The following LCE1C variants were observed in gnomAD, a reference collection of about 807,000 sequenced individuals.
LCE1C encodes late cornified envelope protein 1C.
LCE1C carries 1 observed loss-of-function variant against 0.7 expected under a neutral mutation model. The ratio of observed to expected loss-of-function variants is 1.44; its 90% CI spans 0.51 to 6.83. LCE1C has a LOEUF of 6.83. LCE1C is among the 30% of genes most tolerant of loss of function. LCE1C has a pLI of 0.14. For synonymous variants in LCE1C, 72 were observed against 57.9 expected (o/e 1.24, Z -1.10); for missense variants, 136 against 149.6 (o/e 0.91, Z 0.48).
At position 152,805,080 on chromosome 1, in the gene LCE1C, T is replaced by C. The variant is rs1207823041; in HGVS notation, c.*42A>G. The C allele has an allele frequency of 6.5e-7, 1 of 1,539,182 alleles. No individual in the cohort carries two copies. Among genetic ancestry groups the C allele is most frequent in the African/African-American group, 1.4e-5 (1 of 72,532 alleles). On this transcript the variant is annotated 3_prime_UTR_variant, in exon 2 of 2. Coordinates refer to ENST00000607093, the MANE Select transcript of LCE1C (RefSeq NM_178351.4). The stretch of plus-strand genomic sequence containing the variant: ...AGGAGAAGGGGGATGTCCTTGGCAG[T>C]TTGCGGTCCTGGATTCTGCTCTTCT...
rs1235003747 is a variant in LCE1C at position 152,805,195 on chromosome 1, C to T, written c.284G>A (p.Cys95Tyr). Residue 95 changes from cysteine (C) to tyrosine (Y), a missense_variant, in exon 2 of 2, where the codon TGC (cysteine) becomes TAC (tyrosine). By Grantham distance (194) the Cys-to-Tyr change is radical (BLOSUM62 -2). Transcript: ENST00000607093. The part of the protein sequence containing the change: ...SHCHRPQSSG[C>Y]CSQPSGGSSC... ...GGAGCCCCCCGAGGGCTGGCTGCAG[C>T]AGCCAGAGCTCTGGGGTCTGTGGCA... The T allele has an allele frequency of 6.2e-7, 1 of 1,613,604 alleles. No homozygotes were observed. Among genetic ancestry groups the T allele is most frequent in the Admixed American group, 1.7e-5 (1 of 60,010 alleles).
At position 152,805,340 on chromosome 1, in the gene LCE1C, T is replaced by C. The variant is rs1424192407; in HGVS notation, c.139A>G (p.Ser47Gly). 9.3e-6 allele frequency: 15 copies of C among 1,612,670 alleles called. No individual in the cohort carries two copies. Among genetic ancestry groups the C allele is most frequent in the African/African-American group, 1.3e-5 (1 of 74,418 alleles). Residue 47 changes from serine (S) to glycine (G), a missense_variant, in exon 2 of 2, where the codon AGC becomes GGC. Ser to Gly is a moderately conservative substitution (Grantham distance 56, BLOSUM62 0). Coordinates refer to ENST00000607093, the MANE Select transcript of LCE1C (RefSeq NM_178351.4). Reference sequence around the variant, plus strand: ...CTGGAGCCACAGCAGCCTCCGGAGCTGACACTGCAGCAGGAAGAGACAGGA... The same window carrying C: ...CTGGAGCCACAGCAGCCTCCGGAGCCGACACTGCAGCAGGAAGAGACAGGA... ...CPPVSSCCSV[S>G]SGGCCGSSSG...
In LCE1C at chr1:152,805,174, C is replaced by G. The variant is rs767707238; in HGVS notation, c.305G>C (p.Gly102Ala). The G allele has an allele frequency of 1.1e-5, 18 of 1,612,678 alleles. No homozygotes were observed. The highest frequency in any genetic ancestry group is 1.5e-5 in the Non-Finnish European group (18 of 1,179,354). ...SSGCCSQPSG[G>A]SSCCGGGSGQ... ...ACTCCCCCCGCCACAGCAGCTGGAGCCCCCCGAGGGCTGGCTGCAGCAGCC... is the reference window on the plus strand; with the variant it reads ...ACTCCCCCCGCCACAGCAGCTGGAGGCCCCCGAGGGCTGGCTGCAGCAGCC... Residue 102 changes from glycine (G) to alanine (A), a missense_variant, in exon 2 of 2, where the codon GGC becomes GCC. By Grantham distance (60) the Gly-to-Ala change is moderately conservative (BLOSUM62 0). Transcript: ENST00000607093.
chr1:152,805,050 C>T lies in LCE1C; in HGVS notation c.*72G>A. ...GGACCTGTGAGCCTCTCAGGCAGGC[C>T]TAGTAGGAGAAGGGGGATGTCCTTG... On this transcript the variant is annotated 3_prime_UTR_variant, in exon 2 of 2. Coordinates refer to ENST00000607093, the MANE Select transcript of LCE1C (RefSeq NM_178351.4). 6.7e-7 allele frequency: 1 copy of T among 1,503,604 alleles called. No homozygotes were observed. The highest frequency in any genetic ancestry group is 2.3e-5 in the East Asian group (1 of 44,048). 93.1% of individuals were successfully genotyped at this position (1,503,604 alleles called of 1,614,324 possible). A position where few individuals can be genotyped will look rare whatever the true frequency, so the allele number is the denominator to read the frequency against.
At chr1:152,805,567 C>T in intron 1 of LCE1C, 69 bp from the exon 2 acceptor site, 1 of 1,127,954 alleles carries the variant, frequency 8.9e-7, no homozygotes. Context: ...GTCCTTTCCA[C>T]ATTGTTTCTA....
At position 152,805,231 on chromosome 1, in the gene LCE1C, C is replaced by T. The variant is rs755616563; in HGVS notation, c.248G>A (p.Arg83His). The change falls in exon 2 of 2, where the codon CGT becomes CAT. Residue 83 changes from arginine (R) to histidine (H), a missense_variant. By Grantham distance (29) the Arg-to-His change is conservative. Transcript: ENST00000607093. ...GGCCLSHHRR[R>H]RSHCHRPQSS... ...CTGGGGTCTGTGGCAGTGGGACCTACGGCGCCTGTGGTGGCTCAGGCAGCA... is the reference window on the plus strand; with the variant it reads ...CTGGGGTCTGTGGCAGTGGGACCTATGGCGCCTGTGGTGGCTCAGGCAGCA... The T allele has an allele frequency of 1.7e-5, 27 of 1,613,806 alleles. No individual in the cohort carries two copies. Among genetic ancestry groups the T allele is most frequent in the Admixed American group, 5.0e-5 (3 of 60,002 alleles).
Position 152,805,566 on chromosome 1 carries a change from A to G in LCE1C, c.-20-68T>C, listed in dbSNP as rs1652318825. The G allele has an allele frequency of 3.5e-6, 4 of 1,131,956 alleles. No homozygotes were observed. The South Asian group carries it at 5.6e-5, about 16-fold the overall frequency. 70.1% of individuals were successfully genotyped at this position (1,131,956 alleles called of 1,614,324 possible). A position where few individuals can be genotyped will look rare whatever the true frequency, so the allele number is the denominator to read the frequency against. On this transcript the variant is annotated intron_variant, in intron 1 of 1. Transcript: ENST00000607093. ...ACCCCTGCCTATTCTTGTCCTTTCC[A>G]CATTGTTTCTATTTCCTTTATTTTG...
chr1:152,806,203 T>C (rs950695111), intron 1 of LCE1C, among the ~76,000 whole-genome samples: 1 of 152,126 alleles, frequency 6.6e-6, no homozygotes, highest in Non-Finnish European at 1.5e-5. Context: ...GATAAGTGAG[T>C]TTCAAAAAGC....
intron 1 of LCE1C, 81 bp from the exon 2 acceptor site, chr1:152,805,579 T>G (rs1652319053): frequency 2.9e-6 from 3 of 1,030,514 alleles, no homozygotes; most frequent in Non-Finnish European, 4.4e-6. Context: ...TTGTTTCTAT[T>G]TCCTTTATTT....
intron 1 of LCE1C, among the ~76,000 whole-genome samples, chr1:152,806,178 C>G (rs781465701): frequency 2.0e-4 from 30 of 152,164 alleles, no homozygotes; most frequent in Non-Finnish European, 4.0e-4. Flanking sequence ...TTCTCAATTC[C>G]AATTTGAATC....
intron 1 of LCE1C, 58 bp from the exon 2 acceptor site, chr1:152,805,556 T>G: frequency 1.6e-6 from 2 of 1,235,110 alleles, no homozygotes; most frequent in Non-Finnish European, 1.2e-6. Context: ...TGCCTATTCT[T>G]GTCCTTTCCA....
intron 1 of LCE1C, among the ~76,000 whole-genome samples, chr1:152,805,762 G>GA (rs1459442168): frequency 3.3e-5 from 5 of 152,122 alleles, no homozygotes; most frequent in Non-Finnish European, 7.4e-5. Context: ...TAAGCCATAT[G>GA]AAAAAATATC....
At position 152,805,336 on chromosome 1, in the gene LCE1C, G is replaced by A; in HGVS notation, c.143C>T (p.Ser48Phe). The change falls in exon 2 of 2, where the codon TCC (serine) becomes TTC (phenylalanine). Residue 48 changes from serine to phenylalanine, a missense_variant. Transcript: ENST00000607093. ...AGAGCTGGAGCCACAGCAGCCTCCGGAGCTGACACTGCAGCAGGAAGAGAC... is the reference window on the plus strand; with the variant it reads ...AGAGCTGGAGCCACAGCAGCCTCCGAAGCTGACACTGCAGCAGGAAGAGAC... The part of the protein sequence containing the change: ...PPVSSCCSVS[S>F]GGCCGSSSGG... 3.7e-6 allele frequency: 6 copies of A among 1,614,056 alleles called. No homozygotes were observed. The highest frequency in any genetic ancestry group is 4.2e-6 in the Non-Finnish European group (5 of 1,179,992).
intron 1 of LCE1C, among the ~76,000 whole-genome samples, chr1:152,806,050 C>T (rs6701216): frequency 0.21 from 31,947 of 152,070 alleles, 3,781 homozygotes; most frequent in East Asian, 0.33. Flanking sequence ...TAGAGGGGAT[C>T]TGAACTCAGG....
chr1:152,805,211 G>A lies in LCE1C; in HGVS notation c.268C>T (p.Pro90Ser), dbSNP rs1439902925. 3 of 1,613,770 alleles carry A rather than the reference G, an allele frequency of 1.9e-6. No individual in the cohort carries two copies. In the South Asian group the frequency reaches 3.3e-5, roughly 18 times the overall value. The change falls in exon 2 of 2, where the codon CCC (proline) becomes TCC (serine). Residue 90 changes from proline (P) to serine (S), a missense_variant. Physicochemically the swap from Pro to Ser is moderately conservative, Grantham distance 74. Coordinates refer to ENST00000607093, the MANE Select transcript of LCE1C (RefSeq NM_178351.4). ...HRRRRSHCHR[P>S]QSSGCCSQPS... ...TGGCTGCAGCAGCCAGAGCTCTGGG[G>A]TCTGTGGCAGTGGGACCTACGGCGC...
At chr1:152,806,123 T>A (rs975410617) in intron 1 of LCE1C, among the ~76,000 whole-genome samples, 1 of 152,216 alleles carries the variant, frequency 6.6e-6, no homozygotes, top group African/African-American at 2.4e-5. Flanking sequence ...AGTAACATGT[T>A]GGCACAGTGA....
chr1:152,805,092 G>T lies in LCE1C; in HGVS notation c.*30C>A, dbSNP rs563162977. 3.9e-6 allele frequency: 6 copies of T among 1,554,430 alleles called. No homozygotes were observed. The Admixed American group carries it at 7.8e-5, about 20-fold the overall frequency. ...ATGTCCTTGGCAGTTTGCGGTCCTGGATTCTGCTCTTCTAGGCTCAGGGTC... is the reference window on the plus strand; with the variant it reads ...ATGTCCTTGGCAGTTTGCGGTCCTGTATTCTGCTCTTCTAGGCTCAGGGTC... On this transcript the variant is annotated 3_prime_UTR_variant, in exon 2 of 2. Transcript: ENST00000607093.
intron 1 of LCE1C, 128 bp from the exon 2 acceptor site, chr1:152,805,626 C>T (rs1652320241): frequency 2.5e-6 from 2 of 790,756 alleles, no homozygotes; most frequent in South Asian, 1.8e-5. Context: ...AATCATTAAT[C>T]ACTGAAAATT....
At position 152,805,424 on chromosome 1, in the gene LCE1C, TG is replaced by T. The variant is rs1286096248; in HGVS notation, c.54del (p.Lys19SerfsTer59). On this transcript the variant is annotated frameshift_variant, in exon 2 of 2. Coordinates refer to ENST00000607093, the MANE Select transcript of LCE1C (RefSeq NM_178351.4). LOFTEE classifies it low-confidence loss of function (END_TRUNC). ...GGGGTGGGGCACTTGGGAGGGCACT[TG>T]GGGGTGCACTTGGGAGGGGGCTGGC... ...QQCQPPPKCT[P>X]KCPPKCPTPK... 2.5e-6 allele frequency: 4 copies of T among 1,608,000 alleles called. No homozygotes were observed. Among genetic ancestry groups the T allele is most frequent in the East Asian group, 2.2e-5 (1 of 44,726 alleles).
Sources: allele counts gnomAD v4.1 joint callset (sites outside exome capture counted in the v4.1 genomes callset), GRCh38; gene constraint gnomAD v4.1.1; transcripts MANE v1.5; gene names NCBI Gene and HGNC (gene_info 2026-07-23, HGNC 2026-07-21).